The following PJA2 variants were observed in gnomAD, a reference collection of about 807,000 sequenced individuals.
The protein encoded by PJA2 is praja ring finger ubiquitin ligase 2, also known as E3 ubiquitin-protein ligase Praja-2.
PJA2 carries 25 observed loss-of-function variants against 69.3 expected under a neutral mutation model. That is an observed-to-expected ratio of 0.36 (90% confidence interval 0.26 to 0.50). The LOEUF (loss-of-function observed/expected upper bound fraction) is 0.50, where lower values mean the gene tolerates loss of function less well. Among genes scored for constraint, PJA2 ranks in the 20% least tolerant of loss-of-function variants. The pLI is 0.96. For missense variants in PJA2, 809 were observed against 830.2 expected, an observed-to-expected ratio of 0.97 and a Z score of 0.31; for synonymous variants, 308 against 277.8, an observed-to-expected ratio of 1.11 and a Z score of -1.08.
intron 1 of PJA2, among the ~76,000 whole-genome samples, chr5:109,384,078 A>G (rs552046290): frequency 6.6e-6 from 1 of 152,366 alleles, no homozygotes; most frequent in East Asian, 1.9e-4. Context: ...ACTGTCAATG[A>G]CAACAACACA....
At chr5:109,401,009 C>A (rs535768601) in intron 1 of PJA2, among the ~76,000 whole-genome samples, 24 of 151,178 alleles carry the variant, frequency 1.6e-4, no homozygotes, top group East Asian at 9.9e-4. Flanking sequence ...ACAACAACAA[C>A]AAAAAAACCA....
rs116937584 is a variant in PJA2, at chr5:109,390,317, C to A, written c.-87-6797G>T. 7.2e-5 allele frequency among the ~76,000 whole-genome samples: 11 copies of A among 151,966 alleles called. 1 individual carries two copies. In the East Asian group the frequency reaches 2.1e-3, roughly 29 times the overall value. Reference sequence around the variant, plus strand: ...GAATTATGTCTTCTTGATAAATTGGCCCACTCATCATGATTTTTTTTTCTC... The same window carrying A: ...GAATTATGTCTTCTTGATAAATTGGACCACTCATCATGATTTTTTTTTCTC... On this transcript the variant is annotated intron_variant, in intron 1 of 9. Transcript: ENST00000361189.
intron 6 of PJA2, among the ~76,000 whole-genome samples, chr5:109,361,161 T>C (rs2126997865): frequency 6.6e-6 from 1 of 152,314 alleles, no homozygotes; most frequent in African/African-American, 2.4e-5. Context: ...AGTAAAGACT[T>C]CCATTATTCC....
intron 1 of PJA2, among the ~76,000 whole-genome samples, chr5:109,400,732 C>T (rs191178566): frequency 6.6e-6 from 1 of 152,204 alleles, no homozygotes; most frequent in East Asian, 1.9e-4. Flanking sequence ...GTAATTCCAG[C>T]ACTTTGGGAG....
At chr5:109,372,116 A>T (rs2127003212) in intron 4 of PJA2, among the ~76,000 whole-genome samples, 2 of 152,306 alleles carry the variant, frequency 1.3e-5, no homozygotes, top group East Asian at 3.9e-4. Flanking sequence ...TGCTACCTAT[A>T]TTTTCTTAAT....
intron 7 of PJA2, among the ~76,000 whole-genome samples, chr5:109,352,096 C>G (rs1762263548): frequency 6.6e-6 from 1 of 152,108 alleles, no homozygotes; most frequent in African/African-American, 2.4e-5. Context: ...CCATTAAACA[C>G]AGGCAGAAGT....
At chr5:109,396,719 C>A (rs1242958871) in intron 1 of PJA2, among the ~76,000 whole-genome samples, 1 of 138,604 alleles carries the variant, frequency 7.2e-6, no homozygotes. Flanking sequence ...GCACCGCACC[C>A]GGCCTAACAT....
In PJA2 at chr5:109,394,335, G is replaced by A. The variant is rs559784158; in HGVS notation, c.-87-10815C>T. Among the ~76,000 whole-genome samples the A allele has an allele frequency of 4.6e-5, 7 of 151,634 alleles. No individual in the cohort carries two copies. In the South Asian group the frequency reaches 6.2e-4, roughly 13 times the overall value. On this transcript the variant is annotated intron_variant, in intron 1 of 9. Transcript: ENST00000361189. ...AGTGCTGGGATTACAGGTGTGAGCC[G>A]CCATGCCCAGCCACATGCTAGTTCT...
chr5:109,354,106 A>G (rs1582592574), intron 7 of PJA2, among the ~76,000 whole-genome samples: 1 of 108,168 alleles, frequency 9.2e-6, no homozygotes, highest in South Asian at 3.2e-4. Context: ...AGAGATATCT[A>G]TAGATTAGAT....
At chr5:109,382,669 G>A (rs149430965) in intron 2 of PJA2, among the ~76,000 whole-genome samples, 34 of 152,164 alleles carry the variant, frequency 2.2e-4, no homozygotes, top group South Asian at 4.2e-4. Context: ...CCAACATGGC[G>A]AAACCCCGTC....
chr5:109,397,731 C>T (rs1478497134), intron 1 of PJA2, among the ~76,000 whole-genome samples: 4 of 151,892 alleles, frequency 2.6e-5, no homozygotes, highest in Non-Finnish European at 5.9e-5. Context: ...ACTATGTTGG[C>T]CAGGCTGGTC....
chr5:109,403,422 A>G (rs1747607951), intron 1 of PJA2, among the ~76,000 whole-genome samples: 2 of 152,128 alleles, frequency 1.3e-5, no homozygotes, highest in Admixed American at 6.5e-5. Flanking sequence ...AGAAGAGTTC[A>G]CATGCAAACT....
At chr5:109,374,909 T>A (rs1217649857) in intron 4 of PJA2, among the ~76,000 whole-genome samples, 1 of 152,188 alleles carries the variant, frequency 6.6e-6, no homozygotes, top group Non-Finnish European at 1.5e-5. Flanking sequence ...TCTCAGGGTA[T>A]ATTTCAAAAG....
chr5:109,347,641 T>A (rs1194741564), intron 7 of PJA2, among the ~76,000 whole-genome samples: 4 of 152,138 alleles, frequency 2.6e-5, no homozygotes, highest in Admixed American at 2.6e-4. Context: ...GAAGGCAAAT[T>A]TCCAGCAAGT....
chr5:109,397,822 CCAA>C (rs1199502495), intron 1 of PJA2, among the ~76,000 whole-genome samples: 1 of 152,118 alleles, frequency 6.6e-6, no homozygotes, highest in African/African-American at 2.4e-5. Flanking sequence ...CGGTGAACGG[CCAA>C]CAACAACTTT....
chr5:109,381,385 A>T (rs1747044832), intron 3 of PJA2, 118 bp downstream of exon 3: 1 of 672,704 alleles, frequency 1.5e-6, no homozygotes, highest in Non-Finnish European at 2.5e-6. Context: ...GAATTTCTTG[A>T]TAGGAAGTGT....
At chr5:109,386,822 C>T (rs1052818435) in intron 1 of PJA2, among the ~76,000 whole-genome samples, 1 of 151,982 alleles carries the variant, frequency 6.6e-6, no homozygotes, top group African/African-American at 2.4e-5. Flanking sequence ...TACCTGTCTA[C>T]CTATTTATCC....
intron 7 of PJA2, among the ~76,000 whole-genome samples, chr5:109,348,256 A>C (rs938822492): frequency 1.3e-5 from 2 of 152,300 alleles, no homozygotes; most frequent in South Asian, 4.1e-4. Context: ...TACAGAAAAA[A>C]ATTACAAACT....
intron 1 of PJA2, among the ~76,000 whole-genome samples, chr5:109,390,154 T>A (rs779592674): frequency 1.6e-4 from 25 of 152,174 alleles, no homozygotes; most frequent in Admixed American, 3.3e-4. Flanking sequence ...AAAACTTTTT[T>A]AAATCTTATT....
Sources: allele counts gnomAD v4.1 joint callset (sites outside exome capture counted in the v4.1 genomes callset), GRCh38; gene constraint gnomAD v4.1.1; transcripts MANE v1.5; gene names NCBI Gene and HGNC (gene_info 2026-07-23, HGNC 2026-07-21).